The following RPH3AL variants were observed in gnomAD, a reference collection of about 807,000 sequenced individuals.
RPH3AL encodes the protein rab effector Noc2.
Under a neutral mutation model 43.1 loss-of-function variants are expected in RPH3AL, and 38 were observed. The observed-to-expected ratio is 0.88, with a 90% CI of 0.68 to 1.15. RPH3AL has a LOEUF of 1.15. Ranked by LOEUF, RPH3AL falls within the 50% of genes most tolerant of loss-of-function variation. The probability of loss-of-function intolerance (pLI) is 0.00; values close to 1 mark genes in which losing one functional copy is unlikely to be tolerated. For synonymous variants in RPH3AL, 189 were observed against 176.3 expected, an observed-to-expected ratio of 1.07 and a Z score of -0.57; for missense variants, 462 against 423.2, an observed-to-expected ratio of 1.09 and a Z score of -0.81.
intron 5 of RPH3AL, among the ~76,000 whole-genome samples, chr17:309,733 G>A (rs574389334): frequency 5.0e-5 from 7 of 140,710 alleles, no homozygotes; most frequent in South Asian, 2.1e-4. Context: ...TCCAGGATAC[G>A]GCATGTCCCC....
rs1183293091 is a variant in RPH3AL, at chr17:346,098, T to G, written c.-213+6614A>C. Among the ~76,000 whole-genome samples the G allele has an allele frequency of 3.0e-5, 4 of 135,128 alleles. 1 individual carries two copies. Among genetic ancestry groups the G allele is most frequent in the African/African-American group, 1.0e-4 (4 of 39,458 alleles). The allele number at this position is 135,128 out of a possible 152,430, so 88.6% of individuals were successfully genotyped here. A position where few individuals can be genotyped will look rare whatever the true frequency, so the allele number is the denominator to read the frequency against. On this transcript the variant is annotated intron_variant, in intron 1 of 9. Coordinates refer to ENST00000331302, the MANE Select transcript of RPH3AL (RefSeq NM_006987.4). The stretch of plus-strand genomic sequence containing the variant: ...TCCTTTATCTTTCAAAGTAACCCTA[T>G]GAGGCAGGTTTTAACAACCCCATTG...
At chr17:310,527 C>T (rs1555570100) in intron 5 of RPH3AL, among the ~76,000 whole-genome samples, 1 of 152,160 alleles carries the variant, frequency 6.6e-6, no homozygotes, top group Non-Finnish European at 1.5e-5. Context: ...CCCCAGGCTG[C>T]AGCCATCCGC....
rs1555540494 is a variant in RPH3AL at position 247,248 on chromosome 17, A to T, written c.476T>A (p.Leu159His). Residue 159 changes from leucine (L) to histidine (H), a missense_variant, in exon 7 of 10, where the codon CTC becomes CAC. Physicochemically the swap from Leu to His is moderately conservative, Grantham distance 99 (BLOSUM62 -3). Coordinates refer to ENST00000331302, the MANE Select transcript of RPH3AL (RefSeq NM_006987.4). ...KRSGAWFYKG[L>H]PKYILPLKTP... ...CTTCAGGGGCAAGATATACTTGGGG[A>T]GCCCTTTGTAGAACCAGGCCCCCGA... is the stretch of plus-strand genomic sequence containing the variant. 1.2e-6 allele frequency: 2 copies of T among 1,605,164 alleles called. No homozygotes were observed. The highest frequency in any genetic ancestry group is 1.7e-5 in the Admixed American group (1 of 59,422).
At chr17:248,577 C>T (rs1444720056) in intron 6 of RPH3AL, among the ~76,000 whole-genome samples, 2 of 152,180 alleles carry the variant, frequency 1.3e-5, no homozygotes, top group Admixed American at 6.5e-5. Context: ...CAGGGATGCC[C>T]ACCCTGAACT....
rs1307017074 is a variant in RPH3AL at position 225,890 on chromosome 17, G to A, written c.614-6154C>T. 1.3e-5 allele frequency among the ~76,000 whole-genome samples: 2 copies of A among 152,226 alleles called. No individual in the cohort carries two copies. Among genetic ancestry groups the A allele is most frequent in the Admixed American group, 6.5e-5 (1 of 15,294 alleles). ...CGATGGGATGGGATGTCCCAGGACT[G>A]GGGTTAGGGAGGTGAGCTCACCCTC... On this transcript the variant is annotated intron_variant, in intron 7 of 9. Coordinates refer to ENST00000331302, the MANE Select transcript of RPH3AL (RefSeq NM_006987.4). This position sits in a 1 kb window ranked among gnomAD's most constrained non-coding sequence, Gnocchi z 4.4.
intron 8 of RPH3AL, among the ~76,000 whole-genome samples, chr17:219,197 T>TG (rs1597869719): frequency 7.6e-6 from 1 of 131,004 alleles, no homozygotes; most frequent in East Asian, 2.2e-4. Flanking sequence ...CAGCACTTTT[T>TG]TTTTTTTTTT....
chr17:301,723 C>T (rs567131849), intron 5 of RPH3AL, among the ~76,000 whole-genome samples: 1 of 152,236 alleles, frequency 6.6e-6, no homozygotes, highest in Middle Eastern at 3.4e-3. Context: ...ACAGGTGTGA[C>T]CCACCGCGCC....
At chr17:340,140 C>G (rs2045071929) in intron 1 of RPH3AL, among the ~76,000 whole-genome samples, 1 of 152,024 alleles carries the variant, frequency 6.6e-6, no homozygotes, top group African/African-American at 2.4e-5. Context: ...AGGGGTCCCC[C>G]TGGCTCCAGG....
At position 264,278 on chromosome 17, in the gene RPH3AL, C is replaced by T. The variant is rs11651358; in HGVS notation, c.439-16993G>A. Among the ~76,000 whole-genome samples, 56,009 of 113,510 alleles carry T rather than the reference C, an allele frequency of 0.49. 15,574 individuals carry two copies. The highest frequency in any genetic ancestry group is 0.69 in the Middle Eastern group (167 of 242). The allele number at this position is 113,510 out of a possible 152,430, so 74.5% of individuals were successfully genotyped here. A position where few individuals can be genotyped will look rare whatever the true frequency, so the allele number is the denominator to read the frequency against. On this transcript the variant is annotated intron_variant, in intron 6 of 9. Coordinates refer to ENST00000331302, the MANE Select transcript of RPH3AL (RefSeq NM_006987.4). The surrounding 1 kb of genome is among the most constrained non-coding windows in gnomAD (Gnocchi z 4.8). ...ACAGCAGGATTACCCTTCGGAGCCGCGAGCGCTGGATGGGGACTCAGAATC... is the reference window on the plus strand; with the variant it reads ...ACAGCAGGATTACCCTTCGGAGCCGTGAGCGCTGGATGGGGACTCAGAATC...
chr17:258,871 C>G (rs1261018065), intron 6 of RPH3AL, among the ~76,000 whole-genome samples: 2 of 151,842 alleles, frequency 1.3e-5, no homozygotes, highest in Non-Finnish European at 2.9e-5. Flanking sequence ...AGTGATCCTC[C>G]CACCTCAACC....
In RPH3AL at chr17:263,994, G is replaced by A. The variant is rs192942069; in HGVS notation, c.439-16709C>T. ...CAGGAAACAAGGGCCTGAGGGTATC[G>A]TGCTGTTAGCGGACGCGATGCTGCT... On this transcript the variant is annotated intron_variant, in intron 6 of 9. Transcript: ENST00000331302. Among the ~76,000 whole-genome samples the A allele has an allele frequency of 3.1e-4, 47 of 152,280 alleles. 2 individuals carry two copies. Among genetic ancestry groups the A allele is most frequent in the Admixed American group, 1.6e-3 (24 of 15,298 alleles).
chr17:336,247 G>A (rs1309437357), intron 1 of RPH3AL, among the ~76,000 whole-genome samples: 1 of 152,206 alleles, frequency 6.6e-6, no homozygotes, highest in Non-Finnish European at 1.5e-5. Context: ...AAGATAAGGT[G>A]AGCCCAGACG....
At chr17:295,391 G>C (rs1439170131) in intron 5 of RPH3AL, among the ~76,000 whole-genome samples, 15 of 114,052 alleles carry the variant, frequency 1.3e-4, no homozygotes, top group Admixed American at 9.4e-5. Context: ...GGGAGGGACA[G>C]AGGAGCTGCA....
At chr17:277,977 A>C (rs1484057260) in intron 6 of RPH3AL, among the ~76,000 whole-genome samples, 1 of 152,034 alleles carries the variant, frequency 6.6e-6, no homozygotes, top group Non-Finnish European at 1.5e-5. Flanking sequence ...CAAATAAAAA[A>C]AACCCCGAAA....
chr17:343,643 G>A (rs899171200), intron 1 of RPH3AL, among the ~76,000 whole-genome samples: 5 of 152,264 alleles, frequency 3.3e-5, no homozygotes, highest in East Asian at 3.9e-4. Flanking sequence ...AAATTCAACC[G>A]GTGGTTCTGA....
At chr17:305,600 C>A (rs36031743) in intron 5 of RPH3AL, among the ~76,000 whole-genome samples, 1,755 of 146,612 alleles carry the variant, frequency 0.012, 37 homozygotes, top group African/African-American at 0.04. Flanking sequence ...AGCAGGACAC[C>A]CGAGTGGAGA....
chr17:236,786 C>G (rs1266424959), intron 7 of RPH3AL, among the ~76,000 whole-genome samples: 1 of 152,270 alleles, frequency 6.6e-6, no homozygotes, highest in Non-Finnish European at 1.5e-5. Context: ...AAATCCCCAA[C>G]AGTCGGAAAA....
intron 6 of RPH3AL, among the ~76,000 whole-genome samples, chr17:278,548 C>T (rs939318437): frequency 6.6e-6 from 1 of 152,132 alleles, no homozygotes; most frequent in African/African-American, 2.4e-5. Flanking sequence ...TGCTTTCCCT[C>T]CACATAGCCA....
intron 7 of RPH3AL, among the ~76,000 whole-genome samples, chr17:228,260 C>G (rs1301244137): frequency 6.6e-6 from 1 of 152,190 alleles, no homozygotes; most frequent in Non-Finnish European, 1.5e-5. Flanking sequence ...CAGGGCTGGT[C>G]TGTAACTCCT....
Sources: allele counts gnomAD v4.1 joint callset (sites outside exome capture counted in the v4.1 genomes callset), GRCh38; gene constraint gnomAD v4.1.1; non-coding constraint Gnocchi (gnomAD v3.1); transcripts MANE v1.5; gene names NCBI Gene and HGNC (gene_info 2026-07-23, HGNC 2026-07-21).